Variants in OTOGL observed in about 807,000 individuals in gnomAD.
OTOGL encodes the protein otogelin-like protein.
OTOGL carries 285 observed loss-of-function variants against 318.5 expected under a neutral mutation model. The ratio of observed to expected loss-of-function variants is 0.89; its 90% CI spans 0.81 to 0.99. The LOEUF (loss-of-function observed/expected upper bound fraction) is 0.99. OTOGL is among the 50% of genes least tolerant of loss of function. The probability of loss-of-function intolerance (pLI) is 0.00; values close to 1 mark genes in which losing one functional copy is unlikely to be tolerated. For missense variants in OTOGL, 2,899 were observed against 2,845.6 expected (o/e 1.02, Z -0.43); for synonymous variants, 987 against 936.5 (o/e 1.05, Z -0.99).
rs181109105 is a variant in OTOGL at position 80,339,190 on chromosome 12, C to T, written c.4976C>T (p.Ser1659Phe). The T allele has an allele frequency of 8.6e-5, 139 of 1,611,332 alleles. No homozygotes were observed. The African/African-American group carries it at 1.7e-3, about 20-fold the overall frequency. Residue 1659 changes from serine (S) to phenylalanine (F), a missense_variant, in exon 43 of 59, where the codon TCT becomes TTT. By Grantham distance (155) the Ser-to-Phe change is radical (BLOSUM62 -2). This residue lies in a region of OTOGL where 2,607 missense variants were observed against 2,524.9 expected (regional missense o/e 1.03). Transcript: ENST00000547103. The part of the protein sequence containing the change: ...TTPAGLIIKW[S>F]HLTGIIDIHF... ...CCAGCTGGACTAATCATAAAGTGGT[C>T]TCATCTTACAGGAATCATAGACATT... is the stretch of plus-strand genomic sequence containing the variant.
chr12:80,217,549 T>G, intron 4 of OTOGL, 49 bp from the exon 5 acceptor site: 1 of 1,284,154 alleles, frequency 7.8e-7, no homozygotes, highest in South Asian at 1.3e-5. Flanking sequence ...ATGTTTGGCT[T>G]GAATTAAATA....
intron 11 of OTOGL, among the ~76,000 whole-genome samples, chr12:80,242,753 A>G (rs2137448276): frequency 6.6e-6 from 1 of 152,244 alleles, no homozygotes; most frequent in South Asian, 2.1e-4. Flanking sequence ...CTAGGAACTC[A>G]TATTCTAATA....
chr12:80,168,747 G>A (rs1240381926), intron 1 of OTOGL, among the ~76,000 whole-genome samples: 1 of 152,140 alleles, frequency 6.6e-6, no homozygotes, highest in Non-Finnish European at 1.5e-5. Flanking sequence ...AATGCCAAGT[G>A]TCTTATCTTG....
chr12:80,203,371 A>C (rs1353572800), intron 1 of OTOGL, among the ~76,000 whole-genome samples: 1 of 151,640 alleles, frequency 6.6e-6, no homozygotes, highest in African/African-American at 2.4e-5. Context: ...TCTGGCCCAC[A>C]CTTATAATCC....
chr12:80,253,814 C>T (rs1408251692), intron 14 of OTOGL, among the ~76,000 whole-genome samples: 1 of 152,068 alleles, frequency 6.6e-6, no homozygotes, highest in African/African-American at 2.4e-5. Context: ...GAGTCTGTTG[C>T]ATTTTCTTAT....
intron 24 of OTOGL, among the ~76,000 whole-genome samples, chr12:80,274,189 G>C (rs922592974): frequency 2.8e-4 from 43 of 152,050 alleles, no homozygotes; most frequent in African/African-American, 1.0e-3. Context: ...CATATTGAAA[G>C]CTGAGATGGG....
At chr12:80,238,740 G>T (rs1880085549) in intron 9 of OTOGL, 111 bp from the exon 10 acceptor site, 2 of 1,199,056 alleles carry the variant, frequency 1.7e-6, no homozygotes, top group South Asian at 3.4e-5. Flanking sequence ...TAATGTTACT[G>T]AGTTTAATGT....
intron 6 of OTOGL, among the ~76,000 whole-genome samples, chr12:80,221,040 A>G (rs536140807): frequency 3.9e-5 from 6 of 152,302 alleles, no homozygotes; most frequent in African/African-American, 9.6e-5. Flanking sequence ...CCCCCCACCC[A>G]GAGTGTATCA....
At chr12:80,320,735 T>C (rs746059153) in intron 34 of OTOGL, 35 bp downstream of exon 34, 37 of 1,507,106 alleles carry the variant, frequency 2.5e-5, no homozygotes, top group Non-Finnish European at 2.8e-5. Flanking sequence ...AGAGAACAAA[T>C]AGGTAATTTA....
chr12:80,327,677 G>C (rs193170593), intron 35 of OTOGL, among the ~76,000 whole-genome samples: 1 of 151,112 alleles, frequency 6.6e-6, no homozygotes, highest in African/African-American at 2.4e-5. Context: ...AGTGGAAAGC[G>C]GGCCGGGCAC....
chr12:80,174,336 C>T (rs1874392339), intron 1 of OTOGL, among the ~76,000 whole-genome samples: 2 of 152,100 alleles, frequency 1.3e-5, no homozygotes, highest in South Asian at 2.1e-4. Flanking sequence ...CCATAGTTTT[C>T]GAAACAGAAT....
intron 1 of OTOGL, among the ~76,000 whole-genome samples, chr12:80,178,041 T>TTTTC (rs199695997): frequency 6.6e-4 from 88 of 132,916 alleles, no homozygotes; most frequent in African/African-American, 1.6e-3. Flanking sequence ...TATTCTATTC[T>TTTTC]TTTCTTTCTT....
At chr12:80,294,437 A>G (rs1885248877) in intron 26 of OTOGL, among the ~76,000 whole-genome samples, 1 of 152,230 alleles carries the variant, frequency 6.6e-6, no homozygotes, top group Non-Finnish European at 1.5e-5. Context: ...CAAGATGAAG[A>G]GCAAAACAAA....
At chr12:80,298,044 C>T (rs1423092822) in intron 27 of OTOGL, among the ~76,000 whole-genome samples, 1 of 152,162 alleles carries the variant, frequency 6.6e-6, no homozygotes, top group Non-Finnish European at 1.5e-5. Context: ...AGAATGAATA[C>T]ATTTCATTCA....
Position 80,345,241 on chromosome 12 carries a change from T to A in OTOGL, c.5265+3079T>A, listed in dbSNP as rs572004618. Among the ~76,000 whole-genome samples, 196 of 144,644 alleles carry A rather than the reference T, an allele frequency of 1.4e-3. 2 individuals carry two copies. Among genetic ancestry groups the A allele is most frequent in the Middle Eastern group, 3.6e-3 (1 of 278 alleles). The allele number at this position is 144,644 out of a possible 152,430, so 94.9% of individuals were successfully genotyped here. A position where few individuals can be genotyped will look rare whatever the true frequency, so the allele number is the denominator to read the frequency against. ...ATATATATATATTATATATATATAT[T>A]TTTTTGAAGAGTCTTGCTCTGTCAT... On this transcript the variant is annotated intron_variant, in intron 44 of 58. Coordinates refer to ENST00000547103, the MANE Select transcript of OTOGL (RefSeq NM_001378609.3).
intron 1 of OTOGL, among the ~76,000 whole-genome samples, chr12:80,104,131 T>A (rs778937247): frequency 6.6e-6 from 1 of 152,194 alleles, no homozygotes; most frequent in Non-Finnish European, 1.5e-5. Flanking sequence ...TGTAAGGGAT[T>A]CAGTGAGGTA....
At chr12:80,358,956 CCTTT>C in intron 52 of OTOGL, 56 bp downstream of exon 52, 2 of 1,301,436 alleles carry the variant, frequency 1.5e-6, no homozygotes, top group Non-Finnish European at 2.1e-6. Context: ...GTTTATTCTT[CCTTT>C]ATCTCTCTCA....
intron 26 of OTOGL, among the ~76,000 whole-genome samples, chr12:80,287,081 A>G (rs566243698): frequency 6.6e-6 from 1 of 151,818 alleles, no homozygotes; most frequent in Non-Finnish European, 1.5e-5. Flanking sequence ...TGTCCCAGAG[A>G]TTCTGGTACG....
At chr12:80,313,772 G>A in intron 31 of OTOGL, 140 bp downstream of exon 31, 3 of 657,238 alleles carry the variant, frequency 4.6e-6, no homozygotes, top group Admixed American at 3.6e-5. Context: ...ATATTCCTTT[G>A]ACAATCATAA....
Sources: allele counts gnomAD v4.1 joint callset (sites outside exome capture counted in the v4.1 genomes callset), GRCh38; gene constraint gnomAD v4.1.1; regional missense constraint gnomAD v4.1.1; transcripts MANE v1.5; gene names NCBI Gene and HGNC (gene_info 2026-07-23, HGNC 2026-07-21).